Variants in PHACTR3 observed in about 807,000 individuals in gnomAD.
PHACTR3 encodes phosphatase and actin regulator 3.
PHACTR3 carries 16 observed loss-of-function variants against 66.8 expected under a neutral mutation model. That is an observed-to-expected ratio of 0.24 (90% CI 0.16 to 0.36). The LOEUF (loss-of-function observed/expected upper bound fraction) is 0.36. PHACTR3 is among the 10% of genes least tolerant of loss of function. The probability of loss-of-function intolerance (pLI) is 1.00; values close to 1 mark genes in which losing one functional copy is unlikely to be tolerated. For missense variants in PHACTR3, 647 were observed against 719.9 expected (o/e 0.90, Z 1.16); for synonymous variants, 323 against 292.1 (o/e 1.11, Z -1.08).
At chr20:59,603,944 CTG>C (rs2033562463), upstream of PHACTR3, 1 of 152,296 alleles carries the variant, frequency 6.6e-6, no homozygotes, top group African/African-American at 2.4e-5. Flanking sequence ...GAGGACACCT[CTG>C]TGAGTGGCAG....
intron 1 of PHACTR3, among the ~76,000 whole-genome samples, chr20:59,735,594 A>G (rs1464201905): frequency 6.6e-6 from 1 of 152,128 alleles, no homozygotes; most frequent in African/African-American, 2.4e-5. Flanking sequence ...TAAAGGGTGG[A>G]CATCAAAGTC....
At chr20:59,612,337 C>T (rs1473835041) in intron 1 of PHACTR3, among the ~76,000 whole-genome samples, 3 of 151,212 alleles carry the variant, frequency 2.0e-5, no homozygotes, top group Admixed American at 6.6e-5. Context: ...AATGTGGGCC[C>T]AGGTTGGTGA....
At chr20:59,828,886 T>C (rs2042267381) in intron 8 of PHACTR3, among the ~76,000 whole-genome samples, 1 of 152,026 alleles carries the variant, frequency 6.6e-6, no homozygotes, top group South Asian at 2.1e-4. Flanking sequence ...GTCTCCATCA[T>C]CCAGGGCTGA....
chr20:59,647,331 G>T (rs1601001319), intron 1 of PHACTR3, among the ~76,000 whole-genome samples: 1 of 152,286 alleles, frequency 6.6e-6, no homozygotes, highest in African/African-American at 2.4e-5. Flanking sequence ...TCTCCATCTG[G>T]CCCCACCCTT....
At chr20:59,805,384 G>T (rs1261264242) in intron 7 of PHACTR3, among the ~76,000 whole-genome samples, 1 of 152,190 alleles carries the variant, frequency 6.6e-6, no homozygotes, top group African/African-American at 2.4e-5. Context: ...GTGGGGGAAA[G>T]GCTGTCACTT....
rs1414660367 is a variant in PHACTR3, at chr20:59,820,519, G to A, written c.1328+14325G>A. On this transcript the variant is annotated intron_variant, in intron 8 of 12. Coordinates refer to ENST00000371015, the MANE Select transcript of PHACTR3 (RefSeq NM_080672.5). This position sits in a 1 kb window ranked among gnomAD's most constrained non-coding sequence, Gnocchi z 4.6. Reference sequence around the variant, plus strand: ...CAGCCCCAGAGGATATAAATATGACGCTTCATCGTCTTGGGTGGAAGTCCC... The same window carrying A: ...CAGCCCCAGAGGATATAAATATGACACTTCATCGTCTTGGGTGGAAGTCCC... Among the ~76,000 whole-genome samples, 1 of 152,142 alleles carries A rather than the reference G, an allele frequency of 6.6e-6. No individual in the cohort carries two copies. Among genetic ancestry groups the A allele is most frequent in the Non-Finnish European group, 1.5e-5 (1 of 68,030 alleles).
intron 1 of PHACTR3, among the ~76,000 whole-genome samples, chr20:59,692,065 G>A (rs542753993): frequency 9.8e-5 from 15 of 152,298 alleles, no homozygotes; most frequent in African/African-American, 3.4e-4. Flanking sequence ...TTAGCCTTCC[G>A]AGACAGGACG....
intron 8 of PHACTR3, 43 bp from the exon 9 acceptor site, chr20:59,836,462 C>T (rs766056611): frequency 4.4e-6 from 7 of 1,587,922 alleles, no homozygotes; most frequent in South Asian, 1.1e-5. Context: ...AATTTGCAGG[C>T]AGCCACTATG....
intron 1 of PHACTR3, among the ~76,000 whole-genome samples, chr20:59,654,265 T>G (rs987508354): frequency 6.6e-6 from 1 of 152,186 alleles, no homozygotes; most frequent in Non-Finnish European, 1.5e-5. Flanking sequence ...CCTGTTTTAT[T>G]TATATTTCAG....
rs1404239146 is a variant in PHACTR3, at chr20:59,743,241, A to G, written c.253A>G (p.Asn85Asp). The stretch of plus-strand genomic sequence containing the variant: ...ACCCTGGAAATGGAGGAAAAAGAAA[A>G]ACGAAAAACTGAAGCAGACAACGTC... ...FKPWKWRKKKNEKLKQTTSAL... is the reference protein window; with the variant it reads ...FKPWKWRKKKDEKLKQTTSAL... The change falls in exon 2 of 13, where the codon AAC (asparagine) becomes GAC (aspartate). Residue 85 changes from asparagine (N) to aspartate (D), a missense_variant. Around this residue, in one of 2 missense-constraint regions of PHACTR3, gnomAD observed 577 missense variants for 571.1 expected, o/e 1.01. Transcript: ENST00000371015. The G allele has an allele frequency of 1.2e-6, 2 of 1,614,092 alleles. No homozygotes were observed. The highest frequency in any genetic ancestry group is 1.7e-6 in the Non-Finnish European group (2 of 1,179,986).
intron 1 of PHACTR3, among the ~76,000 whole-genome samples, chr20:59,680,168 G>T (rs910391928): frequency 1.6e-4 from 25 of 152,042 alleles, no homozygotes; most frequent in African/African-American, 5.6e-4. Flanking sequence ...TTCCGTGTGG[G>T]GATGTGTTGT....
intron 1 of PHACTR3, among the ~76,000 whole-genome samples, chr20:59,692,248 G>A (rs533860729): frequency 1.3e-5 from 2 of 152,320 alleles, no homozygotes; most frequent in East Asian, 3.9e-4. Flanking sequence ...AGCCCTACAA[G>A]CCTGTACCCA....
At chr20:59,767,977 C>T (rs1490263424) in intron 5 of PHACTR3, among the ~76,000 whole-genome samples, 1 of 152,102 alleles carries the variant, frequency 6.6e-6, no homozygotes, top group Non-Finnish European at 1.5e-5. Flanking sequence ...TTCCTCCCTC[C>T]CTCTCTCTGC....
chr20:59,616,168 C>A (rs1481953886), intron 1 of PHACTR3, among the ~76,000 whole-genome samples: 1 of 152,152 alleles, frequency 6.6e-6, no homozygotes, highest in Non-Finnish European at 1.5e-5. Flanking sequence ...ATTAATACCC[C>A]CTTAGACGAG....
At chr20:59,595,419 G>A (rs527404688) in intron 1 of PHACTR3, among the ~76,000 whole-genome samples, 12 of 152,250 alleles carry the variant, frequency 7.9e-5, no homozygotes, top group South Asian at 2.1e-4. Context: ...CCGAGATTGC[G>A]CCACTGCACT....
intron 8 of PHACTR3, among the ~76,000 whole-genome samples, chr20:59,822,437 G>A (rs943318016): frequency 1.3e-4 from 20 of 150,778 alleles, no homozygotes; most frequent in Non-Finnish European, 2.7e-4. Context: ...TGGGGGAGGG[G>A]AGGTCAGGTG....
At chr20:59,771,318 G>A (rs1668943734) in intron 5 of PHACTR3, among the ~76,000 whole-genome samples, 2 of 152,104 alleles carry the variant, frequency 1.3e-5, no homozygotes, top group Non-Finnish European at 2.9e-5. Flanking sequence ...CAGGAGTGGG[G>A]CACTGTCCTG....
At chr20:59,707,118 G>T (rs1274953875) in intron 1 of PHACTR3, among the ~76,000 whole-genome samples, 3 of 152,256 alleles carry the variant, frequency 2.0e-5, no homozygotes, top group African/African-American at 2.4e-5. Flanking sequence ...CATCAGGCAG[G>T]TGGCTGCATT....
chr20:59,724,293 G>A (rs1055249287), intron 1 of PHACTR3, among the ~76,000 whole-genome samples: 2 of 152,148 alleles, frequency 1.3e-5, no homozygotes, highest in Non-Finnish European at 2.9e-5. Flanking sequence ...AGACCGGAGT[G>A]GTCCCCAGGG....
Sources: gnomAD v4.1 joint callset for allele counts (sites outside exome capture counted in the v4.1 genomes callset) on GRCh38, gnomAD v4.1.1 for gene constraint, gnomAD v4.1.1 regional missense constraint, Gnocchi (gnomAD v3.1) non-coding constraint, MANE v1.5 for transcripts, NCBI Gene and HGNC (gene_info 2026-07-23, HGNC 2026-07-21) for gene names.